CERS6: variants seen among roughly 807,000 people sequenced by gnomAD.
The protein encoded by CERS6 is LAG1 homolog, ceramide synthase 6.
Under a neutral mutation model 56.8 loss-of-function variants are expected in CERS6, and 26 were observed. That is an observed-to-expected ratio of 0.46 (90% confidence interval 0.34 to 0.63). The LOEUF (loss-of-function observed/expected upper bound fraction) is 0.63. Among genes scored for constraint, CERS6 ranks in the 30% least tolerant of loss-of-function variants. CERS6 has a pLI of 0.01. For missense variants in CERS6, 415 were observed against 467.5 expected, an observed-to-expected ratio of 0.89 and a Z score of 1.04; for synonymous variants, 164 against 173.3, an observed-to-expected ratio of 0.95 and a Z score of 0.42.
chr2:168,647,972 C>A (rs1574127482), intron 4 of CERS6, among the ~76,000 whole-genome samples: 1 of 152,044 alleles, frequency 6.6e-6, no homozygotes, highest in Non-Finnish European at 1.5e-5. Flanking sequence ...CTGAAGTTTT[C>A]TTTTGTTGTT....
intron 8 of CERS6, among the ~76,000 whole-genome samples, chr2:168,751,232 C>T (rs767140153): frequency 3.1e-4 from 47 of 152,170 alleles, no homozygotes; most frequent in Non-Finnish European, 6.2e-4. Flanking sequence ...ACCAGTTGTG[C>T]CAATGAGTTG....
At chr2:168,552,406 CAG>C (rs1695592636) in intron 2 of CERS6, among the ~76,000 whole-genome samples, 1 of 149,694 alleles carries the variant, frequency 6.7e-6, no homozygotes, top group African/African-American at 2.5e-5. Flanking sequence ...CACACAAACA[CAG>C]AGAAAGAAAA....
chr2:168,549,432 C>T (rs770346894), intron 2 of CERS6, among the ~76,000 whole-genome samples: 8 of 152,016 alleles, frequency 5.3e-5, no homozygotes, highest in Admixed American at 3.3e-4. Context: ...GTCAAGAGAT[C>T]GAGACCACCT....
chr2:168,765,899 AT>A, intron 9 of CERS6, 151 bp downstream of exon 9: 2 of 695,848 alleles, frequency 2.9e-6, no homozygotes, highest in Non-Finnish European at 4.7e-6. Flanking sequence ...TTTCTAGTTC[AT>A]TTTTTAAGTC....
intron 3 of CERS6, among the ~76,000 whole-genome samples, chr2:168,570,191 G>A (rs1183147424): frequency 6.6e-6 from 1 of 152,154 alleles, no homozygotes; most frequent in Non-Finnish European, 1.5e-5. Context: ...TAAGGAGGCG[G>A]AATCCATGTG....
chr2:168,696,245 T>C (rs772626277), intron 6 of CERS6, among the ~76,000 whole-genome samples: 1 of 152,208 alleles, frequency 6.6e-6, no homozygotes, highest in Non-Finnish European at 1.5e-5. Context: ...ACTGAAGACA[T>C]GGTCTTCTAG....
chr2:168,684,449 T>A (rs1686294724), intron 4 of CERS6, among the ~76,000 whole-genome samples: 1 of 152,198 alleles, frequency 6.6e-6, no homozygotes, highest in Non-Finnish European at 1.5e-5. Flanking sequence ...TCACAAAATA[T>A]GAAATATTTC....
At chr2:168,651,721 C>A (rs1474811538) in intron 4 of CERS6, among the ~76,000 whole-genome samples, 1 of 152,210 alleles carries the variant, frequency 6.6e-6, no homozygotes, top group African/African-American at 2.4e-5. Context: ...GATCCAATCA[C>A]TTCCCACCAG....
In CERS6 at chr2:168,456,622, A is replaced by G. The variant is rs377440325; in HGVS notation, c.170+4A>G. On this transcript the variant is annotated splice_donor_region_variant and intron_variant, in intron 1 of 9. Transcript: ENST00000305747. The surrounding 1 kb of genome is among the most constrained non-coding windows in gnomAD (Gnocchi z 4.1). ...TGGTGCGGCTCATCTTCGAGAGGTA[A>G]GAAGGGCTGAAGCCCCTCCTCCCCT... The G allele has an allele frequency of 6.2e-6, 10 of 1,612,632 alleles. No individual in the cohort carries two copies. The African/African-American group carries it at 1.3e-4, about 22-fold the overall frequency.
At chr2:168,537,763 G>T (rs558594770) in intron 1 of CERS6, among the ~76,000 whole-genome samples, 1 of 152,140 alleles carries the variant, frequency 6.6e-6, no homozygotes, top group East Asian at 1.9e-4. Flanking sequence ...ATATGTTGAT[G>T]AAAATAAATT....
In CERS6 at chr2:168,774,378, A is replaced by G. The variant is rs1393470856; in HGVS notation, c.*4716A>G. 6.6e-6 allele frequency: 1 copy of G among 152,168 alleles called. No individual in the cohort carries two copies. The highest frequency in any genetic ancestry group is 2.4e-5 in the African/African-American group (1 of 41,430). 9.4% of individuals were successfully genotyped at this position (152,168 alleles called of 1,614,324 possible). A position where few individuals can be genotyped will look rare whatever the true frequency, so the allele number is the denominator to read the frequency against. On this transcript the variant is annotated 3_prime_UTR_variant, in exon 10 of 10. Coordinates refer to ENST00000305747, the MANE Select transcript of CERS6 (RefSeq NM_203463.3). ...TAGCTTGTGGATCAGTTGTACACCC[A>G]CACTTCCTTCTCTGCCTAATTCCGT...
chr2:168,549,752 T>C (rs962039359), intron 2 of CERS6, among the ~76,000 whole-genome samples: 5 of 152,360 alleles, frequency 3.3e-5, no homozygotes, highest in East Asian at 1.9e-4. Flanking sequence ...AGAAGCGTCA[T>C]GTAAAATATA....
chr2:168,557,782 T>C (rs1695710769), intron 2 of CERS6, among the ~76,000 whole-genome samples: 1 of 152,142 alleles, frequency 6.6e-6, no homozygotes, highest in Non-Finnish European at 1.5e-5. Context: ...ATTGATAAAT[T>C]CAAATATATT....
chr2:168,524,590 ATAT>A (rs1446689119), intron 1 of CERS6, among the ~76,000 whole-genome samples: 6 of 152,138 alleles, frequency 3.9e-5, no homozygotes, highest in East Asian at 1.9e-4. Flanking sequence ...ATAAACAATA[ATAT>A]TATTGTTGCT....
At position 168,691,023 on chromosome 2, in the gene CERS6, A is replaced by AT. The variant is rs751654250; in HGVS notation, c.466-4dup. 9 of 1,611,438 alleles carry AT rather than the reference A, an allele frequency of 5.6e-6. No homozygotes were observed. In the Admixed American group the frequency reaches 1.0e-4, roughly 18 times the overall value. ...TAAAATATGTAAAATATTTTTTGTC[A>AT]TTTTTTTCAGACCCCCTGGTTGTGG... On this transcript the variant is annotated splice_polypyrimidine_tract_variant and intron_variant, in intron 4 of 9. Coordinates refer to ENST00000305747, the MANE Select transcript of CERS6 (RefSeq NM_203463.3).
intron 4 of CERS6, among the ~76,000 whole-genome samples, chr2:168,675,703 TA>T (rs759059362): frequency 8.1e-4 from 122 of 151,306 alleles, no homozygotes; most frequent in African/African-American, 2.6e-3. Flanking sequence ...TTCTTTTTTT[TA>T]TGAGATGGAG....
At chr2:168,492,682 C>A (rs902569349) in intron 1 of CERS6, among the ~76,000 whole-genome samples, 2 of 152,130 alleles carry the variant, frequency 1.3e-5, no homozygotes, top group Non-Finnish European at 2.9e-5. Context: ...GTCATGAAGT[C>A]TTTGGCCATG....
At position 168,675,800 on chromosome 2, in the gene CERS6, C is replaced by T. The variant is rs534122010; in HGVS notation, c.466-15234C>T. Among the ~76,000 whole-genome samples the T allele has an allele frequency of 4.6e-5, 7 of 151,960 alleles. No homozygotes were observed. In the South Asian group the frequency reaches 1.5e-3, roughly 32 times the overall value. ...CTCCCGGGTTCAAGCGGTTCTCTTG[C>T]CTCAGCCTCCCAAGTAGTAGGGAAT... On this transcript the variant is annotated intron_variant, in intron 4 of 9. Transcript: ENST00000305747.
Position 168,636,770 on chromosome 2 carries a change from C to T in CERS6, c.465+5728C>T, listed in dbSNP as rs147071067. On this transcript the variant is annotated intron_variant, in intron 4 of 9. Coordinates refer to ENST00000305747, the MANE Select transcript of CERS6 (RefSeq NM_203463.3). ...CTCTTGCATATGTTCTGATTCTCCT[C>T]GTCCCTTTCATTTACCCTACCTCAT... Among the ~76,000 whole-genome samples, 63 of 152,302 alleles carry T rather than the reference C, an allele frequency of 4.1e-4. No homozygotes were observed. The East Asian group carries it at 0.012, about 28-fold the overall frequency.
Sources: allele counts gnomAD v4.1 joint callset (sites outside exome capture counted in the v4.1 genomes callset), GRCh38; gene constraint gnomAD v4.1.1; non-coding constraint Gnocchi (gnomAD v3.1); transcripts MANE v1.5; gene names NCBI Gene and HGNC (gene_info 2026-07-23, HGNC 2026-07-21).